Variants in SYT9 observed in about 807,000 individuals in gnomAD.
SYT9 encodes synaptotagmin-9.
Under a neutral mutation model 48.4 loss-of-function variants are expected in SYT9, and 22 were observed. That is an observed-to-expected ratio of 0.45 (90% CI 0.32 to 0.65). SYT9 has a LOEUF of 0.65. SYT9 is among the 30% of genes least tolerant of loss of function. The pLI is 0.03. For synonymous variants in SYT9, 265 were observed against 245.0 expected, an observed-to-expected ratio of 1.08 and a Z score of -0.76; for missense variants, 577 against 622.0, an observed-to-expected ratio of 0.93 and a Z score of 0.77.
chr11:7,244,312 A>G (rs1322796009), intron 1 of SYT9, among the ~76,000 whole-genome samples: 1 of 152,242 alleles, frequency 6.6e-6, no homozygotes, highest in Admixed American at 6.5e-5. Flanking sequence ...TGAACATACC[A>G]GAACAACTGC....
chr11:7,416,095 T>C lies in SYT9; in HGVS notation c.1098T>C (p.Ala366=), dbSNP rs1847241789. Residue 366 remains alanine, a synonymous_variant, in exon 4 of 7, where the codon GCT becomes GCC. Coordinates refer to ENST00000318881, the MANE Select transcript of SYT9 (RefSeq NM_175733.4). ...TTTCCCTGTGCTATCTTCCAACGGC[T>C]GGCAGGCTGACCATTACCATTATAA... ...LMFSLCYLPT[A]GRLTITIIKA... is the part of the protein sequence containing the mutation. The C allele has an allele frequency of 6.2e-7, 1 of 1,614,070 alleles. No individual in the cohort carries two copies. Among genetic ancestry groups the C allele is most frequent in the Admixed American group, 1.7e-5 (1 of 60,000 alleles).
intron 3 of SYT9, among the ~76,000 whole-genome samples, chr11:7,343,590 G>T (rs1275217310): frequency 1.3e-5 from 2 of 152,132 alleles, no homozygotes; most frequent in Non-Finnish European, 1.5e-5. Context: ...AAATCTCTAG[G>T]AAGTTCCAAC....
At chr11:7,388,239 A>C (rs368889031) in intron 3 of SYT9, among the ~76,000 whole-genome samples, 1 of 152,156 alleles carries the variant, frequency 6.6e-6, no homozygotes, top group Non-Finnish European at 1.5e-5. Flanking sequence ...TTTGTGTTTT[A>C]AAGAACTAGT....
At chr11:7,396,724 A>G (rs921561188) in intron 3 of SYT9, among the ~76,000 whole-genome samples, 9 of 152,136 alleles carry the variant, frequency 5.9e-5, no homozygotes, top group African/African-American at 2.2e-4. Flanking sequence ...ATCCTACACA[A>G]CAATTCATAT....
At chr11:7,393,294 G>GTTTT (rs56387246) in intron 3 of SYT9, among the ~76,000 whole-genome samples, 1 of 141,536 alleles carries the variant, frequency 7.1e-6, no homozygotes, top group African/African-American at 2.6e-5. Flanking sequence ...GTTTGTTGAG[G>GTTTT]TTTTTTTTTT....
At chr11:7,403,248 T>C (rs1846932817) in intron 3 of SYT9, among the ~76,000 whole-genome samples, 1 of 152,212 alleles carries the variant, frequency 6.6e-6, no homozygotes, top group African/African-American at 2.4e-5. Flanking sequence ...ATTTCTTCTT[T>C]GACCTATGGA....
At chr11:7,395,349 G>T (rs770374363) in intron 3 of SYT9, among the ~76,000 whole-genome samples, 19 of 152,066 alleles carry the variant, frequency 1.2e-4, no homozygotes, top group Non-Finnish European at 2.6e-4. Context: ...TTCTTAAAAT[G>T]TCTGTTAGGT....
intron 3 of SYT9, among the ~76,000 whole-genome samples, chr11:7,352,873 T>A (rs1429165801): frequency 6.6e-6 from 1 of 152,098 alleles, no homozygotes; most frequent in Non-Finnish European, 1.5e-5. Flanking sequence ...AAAAGTGGGG[T>A]GTGAGATGAC....
chr11:7,346,648 T>C (rs1350304134), intron 3 of SYT9, among the ~76,000 whole-genome samples: 1 of 152,228 alleles, frequency 6.6e-6, no homozygotes, highest in Non-Finnish European at 1.5e-5. Context: ...TTATAGTAAC[T>C]ACAAAATCAG....
At chr11:7,255,516 C>T (rs1281188136) in intron 1 of SYT9, among the ~76,000 whole-genome samples, 1 of 152,116 alleles carries the variant, frequency 6.6e-6, no homozygotes, top group Non-Finnish European at 1.5e-5. Flanking sequence ...GAAGCTATTT[C>T]AGAAATCCAG....
intron 3 of SYT9, among the ~76,000 whole-genome samples, chr11:7,345,929 A>G (rs1849791886): frequency 6.6e-6 from 1 of 152,202 alleles, no homozygotes; most frequent in African/African-American, 2.4e-5. Flanking sequence ...GGTAAAAGGA[A>G]AACTGGTTGA....
At chr11:7,324,187 C>T (rs76650648) in intron 3 of SYT9, among the ~76,000 whole-genome samples, 2,929 of 151,724 alleles carry the variant, frequency 0.019, 95 homozygotes, top group African/African-American at 0.068. Context: ...CTTATTTCAT[C>T]TATGTTTTGA....
At chr11:7,304,902 GCCC>G (rs1849005491) in intron 2 of SYT9, among the ~76,000 whole-genome samples, 1 of 152,094 alleles carries the variant, frequency 6.6e-6, no homozygotes, top group African/African-American at 2.4e-5. Flanking sequence ...CATTGAAATT[GCCC>G]CCTATTTGGT....
At chr11:7,293,960 A>G (rs1209528937) in intron 1 of SYT9, among the ~76,000 whole-genome samples, 1 of 152,192 alleles carries the variant, frequency 6.6e-6, no homozygotes, top group East Asian at 1.9e-4. Context: ...TATGGTGTCT[A>G]AGTCTATTTG....
chr11:7,395,079 T>C (rs1846724727), intron 3 of SYT9, among the ~76,000 whole-genome samples: 1 of 152,064 alleles, frequency 6.6e-6, no homozygotes, highest in Non-Finnish European at 1.5e-5. Flanking sequence ...CAGTAGGTTC[T>C]TTAGTGGTGA....
chr11:7,403,337 CT>C (rs1846935193), intron 3 of SYT9, among the ~76,000 whole-genome samples: 1 of 152,004 alleles, frequency 6.6e-6, no homozygotes, highest in Non-Finnish European at 1.5e-5. Context: ...AGGTATTGAG[CT>C]CAGGAGTTCA....
rs1262876439 is a variant in SYT9 at position 7,285,185 on chromosome 11, A to AT, written c.146-17853dup. On this transcript the variant is annotated intron_variant, in intron 1 of 6. Coordinates refer to ENST00000318881, the MANE Select transcript of SYT9 (RefSeq NM_175733.4). ...TCCATGACTGTATTAGTCTGTTCTCATGCTGCTGTGAAGAAATACCCAAGA... is the reference window on the plus strand; with the variant it reads ...TCCATGACTGTATTAGTCTGTTCTCATTGCTGCTGTGAAGAAATACCCAAGA... Among the ~76,000 whole-genome samples the AT allele has an allele frequency of 5.9e-5, 9 of 152,152 alleles. 1 individual carries two copies. The highest frequency in any genetic ancestry group is 5.9e-4 in the Admixed American group (9 of 15,276).
chr11:7,427,559 G>A (rs1847485061), intron 6 of SYT9: 1 of 152,200 alleles, frequency 6.6e-6, no homozygotes, highest in African/African-American at 2.4e-5. Context: ...AAACTGATCA[G>A]GAGGTGACAA....
intron 6 of SYT9, among the ~76,000 whole-genome samples, chr11:7,459,687 T>A (rs760010461): frequency 6.6e-6 from 1 of 152,194 alleles, no homozygotes; most frequent in Non-Finnish European, 1.5e-5. Flanking sequence ...CATGTTAAGA[T>A]GAGCTTATGC....
Sources: allele counts gnomAD v4.1 joint callset (sites outside exome capture counted in the v4.1 genomes callset), GRCh38; gene constraint gnomAD v4.1.1; transcripts MANE v1.5; gene names NCBI Gene and HGNC (gene_info 2026-07-23, HGNC 2026-07-21).